AGPAT4: variants seen among roughly 807,000 people sequenced by gnomAD.
AGPAT4 encodes the protein 1-acylglycerol-3-phosphate O-acyltransferase 4.
In AGPAT4, 15 loss-of-function variants were observed where a neutral mutation model predicts 48.0. The observed-to-expected ratio is 0.31, with a 90% CI of 0.21 to 0.48. AGPAT4 has a LOEUF of 0.48. Among genes scored for constraint, AGPAT4 ranks in the 20% least tolerant of loss-of-function variants. AGPAT4 has a pLI of 0.99. For missense variants in AGPAT4, 314 were observed against 482.5 expected (o/e 0.65, Z 3.27); for synonymous variants, 178 against 198.7 (o/e 0.90, Z 0.88).
In AGPAT4 at chr6:161,130,728, G is replaced by C. The variant is rs984323840; in HGVS notation, c.*5812C>G. 4.8e-6 allele frequency: 2 copies of C among 416,082 alleles called. No homozygotes were observed. Among genetic ancestry groups the C allele is most frequent in the Non-Finnish European group, 9.8e-6 (2 of 203,254 alleles). The allele number at this position is 416,082 out of a possible 1,614,324, so 25.8% of individuals were successfully genotyped here. On this transcript the variant is annotated 3_prime_UTR_variant, in exon 9 of 9. Transcript: ENST00000320285. ...CTTGCTGTGTTTGCCTCAGATGCGA[G>C]TAAGGAAGCTCCAGTTGTAGCCTTG...
rs1782617659 is a variant in AGPAT4 at position 161,245,293 on chromosome 6, G to A, written c.-89-12991C>T. On this transcript the variant is annotated intron_variant, in intron 1 of 8. Coordinates refer to ENST00000320285, the MANE Select transcript of AGPAT4 (RefSeq NM_020133.3). This position sits in a 1 kb window ranked among gnomAD's most constrained non-coding sequence, Gnocchi z 5.2. Reference sequence around the variant, plus strand: ...ACAGGACGTACTGACATACACGCCGGCCCCACAGGGGTGATGGGAGACTTC... The same window carrying A: ...ACAGGACGTACTGACATACACGCCGACCCCACAGGGGTGATGGGAGACTTC... Among the ~76,000 whole-genome samples, 1 of 152,224 alleles carries A rather than the reference G, an allele frequency of 6.6e-6. No individual in the cohort carries two copies. Among genetic ancestry groups the A allele is most frequent in the African/African-American group, 2.4e-5 (1 of 41,460 alleles).
rs115824235 is a variant in AGPAT4 at position 161,195,612 on chromosome 6, G to T, written c.179-29195C>A. Among the ~76,000 whole-genome samples the T allele has an allele frequency of 5.4e-3, 823 of 152,300 alleles. 10 individuals are homozygous for T. Among genetic ancestry groups the T allele is most frequent in the African/African-American group, 0.019 (794 of 41,574 alleles). On this transcript the variant is annotated intron_variant, in intron 2 of 8. Transcript: ENST00000320285. This position sits in a 1 kb window ranked among gnomAD's most constrained non-coding sequence, Gnocchi z 5.0. ...CAAATGTTGCAGAACTTCATCATGT[G>T]ATCAAAGCTGCAGAAGGAGAAAGAG...
At position 161,197,303 on chromosome 6, in the gene AGPAT4, A is replaced by C. The variant is rs1781096693; in HGVS notation, c.179-30886T>G. On this transcript the variant is annotated intron_variant, in intron 2 of 8. Transcript: ENST00000320285. The surrounding 1 kb of genome is among the most constrained non-coding windows in gnomAD (Gnocchi z 5.7). ...GCACTGCTAGGGACATTAAAGAACT[A>C]GCGTTCCATAAAACAGTTTGGGAAA... Among the ~76,000 whole-genome samples, 1 of 152,216 alleles carries C rather than the reference A, an allele frequency of 6.6e-6. No individual in the cohort carries two copies. The highest frequency in any genetic ancestry group is 1.5e-5 in the Non-Finnish European group (1 of 68,036).
chr6:161,158,343 T>G lies in AGPAT4; in HGVS notation c.349-4033A>C, dbSNP rs762037203. Among the ~76,000 whole-genome samples, 3 of 152,208 alleles carry G rather than the reference T, an allele frequency of 2.0e-5. No homozygotes were observed. Among genetic ancestry groups the G allele is most frequent in the Non-Finnish European group, 4.4e-5 (3 of 68,046 alleles). ...CTTTCAGAGAGAATGTACAAGAAAA[T>G]ATACTAATTTCATCAATTCTGGATT... On this transcript the variant is annotated intron_variant, in intron 3 of 8. Coordinates refer to ENST00000320285, the MANE Select transcript of AGPAT4 (RefSeq NM_020133.3). The surrounding 1 kb of genome is among the most constrained non-coding windows in gnomAD (Gnocchi z 5.3).
rs78976703 is a variant in AGPAT4, at chr6:161,247,086, C to T, written c.-89-14784G>A. On this transcript the variant is annotated intron_variant, in intron 1 of 8. Coordinates refer to ENST00000320285, the MANE Select transcript of AGPAT4 (RefSeq NM_020133.3). ...CTACCAGCACTGAAACTGCATGAGG[C>T]TATATGTTAAACTGACATGAAATTA... Among the ~76,000 whole-genome samples the T allele has an allele frequency of 8.6e-3, 1,315 of 152,296 alleles. 17 individuals carry two copies. Among genetic ancestry groups the T allele is most frequent in the African/African-American group, 0.03 (1,252 of 41,554 alleles).
Position 161,233,571 on chromosome 6 carries a change from G to A in AGPAT4, c.-89-1269C>T, listed in dbSNP as rs996295702. On this transcript the variant is annotated intron_variant, in intron 1 of 8. Coordinates refer to ENST00000320285, the MANE Select transcript of AGPAT4 (RefSeq NM_020133.3). This position sits in a 1 kb window ranked among gnomAD's most constrained non-coding sequence, Gnocchi z 5.4. ...TATCCATTCAGAGAAATTTTAATTC[G>A]AGGCCATACAACTCTTCTGTTTTTC... Among the ~76,000 whole-genome samples, 2 of 152,092 alleles carry A rather than the reference G, an allele frequency of 1.3e-5. No homozygotes were observed. The highest frequency in any genetic ancestry group is 2.1e-4 in the South Asian group (1 of 4,830).
At chr6:161,269,504 G>A (rs537287410) in intron 1 of AGPAT4, among the ~76,000 whole-genome samples, 43 of 152,308 alleles carry the variant, frequency 2.8e-4, no homozygotes, top group Middle Eastern at 6.8e-3. Context: ...GGGCAGGCGC[G>A]GTGGCTCACG....
In AGPAT4 at chr6:161,148,549, A is replaced by T. The variant is rs751810455; in HGVS notation, c.767+638T>A. Among the ~76,000 whole-genome samples, 1 of 152,190 alleles carries T rather than the reference A, an allele frequency of 6.6e-6. No individual in the cohort carries two copies. Among genetic ancestry groups the T allele is most frequent in the Admixed American group, 6.5e-5 (1 of 15,276 alleles). On this transcript the variant is annotated intron_variant, in intron 6 of 8. Transcript: ENST00000320285. This position sits in a 1 kb window ranked among gnomAD's most constrained non-coding sequence, Gnocchi z 5.5. The stretch of plus-strand genomic sequence containing the variant: ...GATTCTCTTGATTAGCATTCAGAGA[A>T]GATGATCCACAGCACAACAAACCAA...
intron 2 of AGPAT4, among the ~76,000 whole-genome samples, chr6:161,211,659 A>G (rs758039345): frequency 3.3e-5 from 5 of 152,210 alleles, no homozygotes; most frequent in Non-Finnish European, 5.9e-5. Context: ...TCAAGTTGTC[A>G]TATTATTATT....
intron 1 of AGPAT4, among the ~76,000 whole-genome samples, chr6:161,239,761 TA>T (rs1335620680): frequency 6.6e-6 from 1 of 152,224 alleles, no homozygotes; most frequent in African/African-American, 2.4e-5. Context: ...TTTTTAATGA[TA>T]ATACTCCATT....
At position 161,142,152 on chromosome 6, in the gene AGPAT4, C is replaced by A. The variant is rs1214575030; in HGVS notation, c.844-2532G>T. Among the ~76,000 whole-genome samples the A allele has an allele frequency of 6.6e-6, 1 of 152,250 alleles. No individual in the cohort carries two copies. The highest frequency in any genetic ancestry group is 1.5e-5 in the Non-Finnish European group (1 of 68,052). On this transcript the variant is annotated intron_variant, in intron 7 of 8. Coordinates refer to ENST00000320285, the MANE Select transcript of AGPAT4 (RefSeq NM_020133.3). The surrounding 1 kb of genome is among the most constrained non-coding windows in gnomAD (Gnocchi z 6.4). ...TACAGGCGTGAGCCATTGCGCCCAG[C>A]CCCATTCACTTTAAAGTTTTCTTTG...
rs1174252754 is a variant in AGPAT4 at position 161,246,462 on chromosome 6, T to G, written c.-89-14160A>C. Among the ~76,000 whole-genome samples the G allele has an allele frequency of 1.3e-5, 2 of 150,824 alleles. No individual in the cohort carries two copies. The highest frequency in any genetic ancestry group is 3.9e-4 in the East Asian group (2 of 5,124). On this transcript the variant is annotated intron_variant, in intron 1 of 8. Transcript: ENST00000320285. This position sits in a 1 kb window ranked among gnomAD's most constrained non-coding sequence, Gnocchi z 5.5. Reference sequence around the variant, plus strand: ...TTCACTCTTGTTGCCCAGGCTGGAGTGCAATGGAGTGATCTCAGCTCACTG... The same window carrying G: ...TTCACTCTTGTTGCCCAGGCTGGAGGGCAATGGAGTGATCTCAGCTCACTG...
rs141701831 is a variant in AGPAT4 at position 161,262,342 on chromosome 6, C to G, written c.-90+11596G>C. ...GACTCTGCTGCCAGGACCTGAAAAG[C>G]GTGATGGAGCTGCAGCCATGGTGGC... On this transcript the variant is annotated intron_variant, in intron 1 of 8. Coordinates refer to ENST00000320285, the MANE Select transcript of AGPAT4 (RefSeq NM_020133.3). The surrounding 1 kb of genome is among the most constrained non-coding windows in gnomAD (Gnocchi z 4.9). Among the ~76,000 whole-genome samples, 1 of 152,188 alleles carries G rather than the reference C, an allele frequency of 6.6e-6. No homozygotes were observed. Among genetic ancestry groups the G allele is most frequent in the Admixed American group, 6.5e-5 (1 of 15,278 alleles).
chr6:161,186,056 C>T (rs906529118), intron 2 of AGPAT4, among the ~76,000 whole-genome samples: 8 of 152,090 alleles, frequency 5.3e-5, no homozygotes, highest in African/African-American at 1.7e-4. Context: ...CCATTTTCTC[C>T]TCACCCCATT....
rs748180298 is a variant in AGPAT4 at position 161,166,464 on chromosome 6, C to T, written c.179-47G>A. 1.4e-5 allele frequency: 21 copies of T among 1,542,370 alleles called. No individual in the cohort carries two copies. The East Asian group carries it at 4.7e-4, about 35-fold the overall frequency. On this transcript the variant is annotated intron_variant, in intron 2 of 8. Coordinates refer to ENST00000320285, the MANE Select transcript of AGPAT4 (RefSeq NM_020133.3). The surrounding 1 kb of genome is among the most constrained non-coding windows in gnomAD (Gnocchi z 6.7). The stretch of plus-strand genomic sequence containing the variant: ...AGATGTTTACTACATGCAGCCTTGT[C>T]CTGGGAGCCCTGCTGAGAGCAGGGC...
At chr6:161,136,657 G>A (rs1182392533) in intron 8 of AGPAT4, 23 bp from the exon 9 acceptor site, 6 of 1,607,102 alleles carry the variant, frequency 3.7e-6, no homozygotes, top group Non-Finnish European at 5.1e-6. Context: ...GGAGAGCAGA[G>A]TTAGGAGTAG....
chr6:161,199,488 C>T (rs1054006338), intron 2 of AGPAT4, among the ~76,000 whole-genome samples: 16 of 152,222 alleles, frequency 1.1e-4, no homozygotes, highest in Non-Finnish European at 2.2e-4. Context: ...ACAGATTCTG[C>T]TGCCCACAAC....
chr6:161,227,228 C>T (rs1168577367), intron 2 of AGPAT4, among the ~76,000 whole-genome samples: 1 of 152,176 alleles, frequency 6.6e-6, no homozygotes, highest in East Asian at 1.9e-4. Context: ...TAGTAGGTCT[C>T]CTTTTATGAC....
rs1443614146 is a variant in AGPAT4 at position 161,233,517 on chromosome 6, T to G, written c.-89-1215A>C. Reference sequence around the variant, plus strand: ...CCTCGACTTATGATTCCACTGAAAATTTCCAGCTTTACGATGGTGTAAAAG... The same window carrying G: ...CCTCGACTTATGATTCCACTGAAAAGTTCCAGCTTTACGATGGTGTAAAAG... On this transcript the variant is annotated intron_variant, in intron 1 of 8. Coordinates refer to ENST00000320285, the MANE Select transcript of AGPAT4 (RefSeq NM_020133.3). The surrounding 1 kb of genome is among the most constrained non-coding windows in gnomAD (Gnocchi z 5.4). Among the ~76,000 whole-genome samples the G allele has an allele frequency of 1.3e-5, 2 of 152,184 alleles. No homozygotes were observed. Among genetic ancestry groups the G allele is most frequent in the East Asian group, 3.8e-4 (2 of 5,196 alleles).
Sources: gnomAD v4.1 joint callset for allele counts (sites outside exome capture counted in the v4.1 genomes callset) on GRCh38, gnomAD v4.1.1 for gene constraint, Gnocchi (gnomAD v3.1) non-coding constraint, MANE v1.5 for transcripts, NCBI Gene and HGNC (gene_info 2026-07-23, HGNC 2026-07-21) for gene names.